PRSS56: variants seen among roughly 807,000 people sequenced by gnomAD.
PRSS56 encodes serine protease 56.
Under a neutral mutation model 66.8 loss-of-function variants are expected in PRSS56, and 55 were observed. That is an observed-to-expected ratio of 0.82 (90% CI 0.66 to 1.03). PRSS56 has a LOEUF of 1.03. Ranked by LOEUF, PRSS56 falls within the 50% of genes least tolerant of loss-of-function variation. PRSS56 has a pLI of 0.00. For synonymous variants in PRSS56, 409 were observed against 387.9 expected, an observed-to-expected ratio of 1.05 and a Z score of -0.64; for missense variants, 869 against 837.2, an observed-to-expected ratio of 1.04 and a Z score of -0.47.
Position 232,523,871 on chromosome 2 carries a change from G to T in PRSS56, c.1112G>T (p.Arg371Leu), listed in dbSNP as rs1574623865. ...DAARLCAFYA[R>L]LCPGSQGACA... Reference sequence around the variant, plus strand: ...GCCCGGCTCTGCGCCTTCTATGCCCGCCTGTGCCCGGGGTCCCAGGGCGCC... The same window carrying T: ...GCCCGGCTCTGCGCCTTCTATGCCCTCCTGTGCCCGGGGTCCCAGGGCGCC... Residue 371 changes from arginine to leucine, a missense_variant, in exon 9 of 13, where the codon CGC becomes CTC. By Grantham distance (102) the Arg-to-Leu change is moderately radical. Around this residue, in one of 3 missense-constraint regions of PRSS56, gnomAD observed 551 missense variants for 506.9 expected, o/e 1.09. Transcript: ENST00000617714. The T allele has an allele frequency of 6.5e-7, 1 of 1,530,082 alleles. No homozygotes were observed. Among genetic ancestry groups the T allele is most frequent in the Non-Finnish European group, 8.7e-7 (1 of 1,144,006 alleles). 94.8% of individuals were successfully genotyped at this position (1,530,082 alleles called of 1,614,324 possible). A position where few individuals can be genotyped will look rare whatever the true frequency, so the allele number is the denominator to read the frequency against.
rs1163995423 is a variant in PRSS56 at position 232,525,429 on chromosome 2, G to A, written c.1735G>A (p.Val579Ile). ...EGEPEGPWMD[V>I]GQGPGLERKG... ...GGAGCCCGAGGGACCCTGGATGGAT[G>A]TAGGGCAGGGGCCCGGGCTGGAGAG... Residue 579 changes from valine to isoleucine, a missense_variant, in exon 13 of 13, where the codon GTA becomes ATA. Val to Ile is a conservative substitution (Grantham distance 29). Transcript: ENST00000617714. 27 of 1,533,032 alleles carry A rather than the reference G, an allele frequency of 1.8e-5. No individual in the cohort carries two copies. Among genetic ancestry groups the A allele is most frequent in the Non-Finnish European group, 2.4e-5 (27 of 1,145,516 alleles). 95.0% of individuals were successfully genotyped at this position (1,533,032 alleles called of 1,614,324 possible).
Position 232,521,853 on chromosome 2 carries a change from C to A in PRSS56, c.243C>A (p.Asp81Glu). The part of the protein sequence containing the change: ...GRPRPQALLQ[D>E]PPEPGPCGER... The stretch of plus-strand genomic sequence containing the variant: ...CCAGGCCTCAAGCTCTCCTCCAGGA[C>A]CCACCTGAGCCAGGTGAGGTTGAAA... Residue 81 changes from aspartate (D) to glutamate (E), a missense_variant, in exon 3 of 13, where the codon GAC becomes GAA. Transcript: ENST00000617714. The A allele has an allele frequency of 6.5e-7, 1 of 1,535,978 alleles. No individual in the cohort carries two copies. The highest frequency in any genetic ancestry group is 1.4e-5 in the African/African-American group (1 of 73,178).
chr2:232,523,635 C>A, intron 8 of PRSS56, 57 bp downstream of exon 8: 3 of 1,503,074 alleles, frequency 2.0e-6, no homozygotes, highest in Non-Finnish European at 2.7e-6. Context: ...AACCGTGGGA[C>A]AAGCCCGTTT....
chr2:232,521,296 G>A (rs1187533222), intron 1 of PRSS56, 25 bp from the exon 2 acceptor site: 3 of 1,519,960 alleles, frequency 2.0e-6, no homozygotes, highest in Non-Finnish European at 1.8e-6. Context: ...AACCACGCAT[G>A]ATTGTGTGCC....
chr2:232,524,442 T>C (rs1319506202), intron 11 of PRSS56, 73 bp downstream of exon 11: 3 of 1,431,484 alleles, frequency 2.1e-6, no homozygotes, highest in Admixed American at 4.2e-5. Context: ...GCGCTTCTAC[T>C]GCAGCTCCGG....
At chr2:232,524,688 T>A (rs1026802313) in intron 11 of PRSS56, 50 bp from the exon 12 acceptor site, 7 of 1,353,130 alleles carry the variant, frequency 5.2e-6, no homozygotes, top group African/African-American at 4.3e-5. Context: ...CCACCCCCAG[T>A]TCCATACCGC....
chr2:232,521,693 G>T (rs1302017916), intron 2 of PRSS56, 123 bp from the exon 3 acceptor site: 3 of 1,001,588 alleles, frequency 3.0e-6, no homozygotes, highest in South Asian at 1.6e-5. Context: ...TGCTGAAATA[G>T]AACCCGTGTG....
Position 232,522,121 on chromosome 2 carries a change from C to T in PRSS56, c.407C>T (p.Ala136Val). ...GQPLCGGVLV[A>V]ASWVLTAAHC... ...CCTCTGTGCGGCGGCGTCCTGGTAG[C>T]GGCCTCCTGGGTGCTCACGGCAGCG... The change falls in exon 4 of 13, where the codon GCG becomes GTG. Residue 136 changes from alanine (A) to valine (V), a missense_variant. Ala to Val is a moderately conservative substitution (Grantham distance 64, BLOSUM62 0). Around this residue, in one of 3 missense-constraint regions of PRSS56, gnomAD observed 315 missense variants for 313.7 expected, o/e 1.00. Coordinates refer to ENST00000617714, the MANE Select transcript of PRSS56 (RefSeq NM_001195129.2). 2 of 1,517,716 alleles carry T rather than the reference C, an allele frequency of 1.3e-6. No homozygotes were observed. Among genetic ancestry groups the T allele is most frequent in the Non-Finnish European group, 8.8e-7 (1 of 1,139,628 alleles). The allele number at this position is 1,517,716 out of a possible 1,614,324, so 94.0% of individuals were successfully genotyped here.
At chr2:232,523,974 G>A (rs550551164) in intron 9 of PRSS56, 29 bp downstream of exon 9, 324 of 1,519,840 alleles carry the variant, frequency 2.1e-4, no homozygotes, top group Non-Finnish European at 2.8e-4. Flanking sequence ...GACCCGGACG[G>A]GGGGCAGAGG....
chr2:232,521,096 T>G (rs957812534), intron 1 of PRSS56, among the ~76,000 whole-genome samples: 1 of 152,220 alleles, frequency 6.6e-6, no homozygotes, highest in African/African-American at 2.4e-5. Context: ...AAAGCACCTT[T>G]CAAAGATCCC....
rs1340351408 is a variant in PRSS56 at position 232,523,901 on chromosome 2, C to T, written c.1142C>T (p.Ala381Val). Residue 381 changes from alanine (A) to valine (V), a missense_variant, in exon 9 of 13, where the codon GCG (alanine) becomes GTG (valine). By Grantham distance (64) the Ala-to-Val change is moderately conservative. This residue lies in a region of PRSS56 where 551 missense variants were observed against 506.9 expected (regional missense o/e 1.09). Coordinates refer to ENST00000617714, the MANE Select transcript of PRSS56 (RefSeq NM_001195129.2). ...TGCCCGGGGTCCCAGGGCGCCTGTG[C>T]GCGCCTGGCGCACCAGCAGTGCCTG... Reference protein sequence around the residue: ...RLCPGSQGACARLAHQQCLQR... With the variant: ...RLCPGSQGACVRLAHQQCLQR... The T allele has an allele frequency of 6.6e-7, 1 of 1,519,238 alleles. No individual in the cohort carries two copies. Among genetic ancestry groups the T allele is most frequent in the Non-Finnish European group, 8.8e-7 (1 of 1,138,586 alleles). 94.1% of individuals were successfully genotyped at this position (1,519,238 alleles called of 1,614,324 possible).
intron 2 of PRSS56, 120 bp downstream of exon 2, chr2:232,521,548 C>T (rs1313278091): frequency 6.8e-6 from 6 of 882,486 alleles, no homozygotes; most frequent in Non-Finnish European, 8.9e-6. Context: ...TGTGTTGGGC[C>T]GCAACCTAGA....
chr2:232,522,460 G>T, intron 4 of PRSS56, 55 bp from the exon 5 acceptor site: 3 of 1,427,756 alleles, frequency 2.1e-6, no homozygotes, highest in Admixed American at 2.1e-5. Flanking sequence ...TCTCCGAGGG[G>T]CCTGCGGGGT....
At position 232,523,092 on chromosome 2, in the gene PRSS56, C is replaced by G. The variant is rs545607218; in HGVS notation, c.739C>G (p.Arg247Gly). The change falls in exon 7 of 13, where the codon CGT becomes GGT. Residue 247 changes from arginine to glycine, a missense_variant. Physicochemically the swap from Arg to Gly is moderately radical, Grantham distance 125. This residue lies in a region of PRSS56 where 551 missense variants were observed against 506.9 expected (regional missense o/e 1.09). Transcript: ENST00000617714. ...TGAGGCTGAAGCAGTGAGAGAGGCC[C>G]GTGTTCCCCTGCTCAGCACCGACAC... ...GPEAEAVREA[R>G]VPLLSTDTCR... 40 of 1,535,084 alleles carry G rather than the reference C, an allele frequency of 2.6e-5. No individual in the cohort carries two copies. Among genetic ancestry groups the G allele is most frequent in the Admixed American group, 5.9e-5 (3 of 50,878 alleles).
In PRSS56 at chr2:232,525,206, C is replaced by T. The variant is rs13000234; in HGVS notation, c.1522-10C>T. On this transcript the variant is annotated splice_polypyrimidine_tract_variant and intron_variant, in intron 12 of 12. Transcript: ENST00000617714. ...TTCTGGGCCCCTGATCCCCACTCCT[C>T]CATCTGTAGGTCCTGGCAGATCTGG... 6.8e-7 allele frequency: 1 copy of T among 1,463,002 alleles called. No homozygotes were observed. The highest frequency in any genetic ancestry group is 9.0e-7 in the Non-Finnish European group (1 of 1,109,816). The allele number at this position is 1,463,002 out of a possible 1,614,324, so 90.6% of individuals were successfully genotyped here.
chr2:232,522,355 G>T, intron 4 of PRSS56, 160 bp from the exon 5 acceptor site: 1 of 797,198 alleles, frequency 1.3e-6, no homozygotes, highest in Non-Finnish European at 1.8e-6. Context: ...TGGCACGGCC[G>T]GGCGAGTTCG....
chr2:232,524,888 G>C (rs989704550), intron 12 of PRSS56, 44 bp downstream of exon 12: 1 of 1,434,962 alleles, frequency 7.0e-7, no homozygotes, highest in African/African-American at 1.4e-5. Context: ...GGCCTGGGAA[G>C]GCTGAGACCC....
At position 232,525,248 on chromosome 2, in the gene PRSS56, C is replaced by T. The variant is rs1260197741; in HGVS notation, c.1554C>T (p.Thr518=). Residue 518 remains threonine, a synonymous_variant, in exon 13 of 13, where the codon ACC becomes ACT. Coordinates refer to ENST00000617714, the MANE Select transcript of PRSS56 (RefSeq NM_001195129.2). The part of the protein sequence containing the change: ...VLADLGSKTL[T]GLFRAWVRAG... The stretch of plus-strand genomic sequence containing the variant: ...CAGATCTGGGCTCCAAGACACTGAC[C>T]GGGCTTTTCAGAGCCTGGGTGCGGG... 1.5e-5 allele frequency: 23 copies of T among 1,512,760 alleles called. No individual in the cohort carries two copies. The highest frequency in any genetic ancestry group is 7.4e-5 in the South Asian group (6 of 81,236). 93.7% of individuals were successfully genotyped at this position (1,512,760 alleles called of 1,614,324 possible). A position where few individuals can be genotyped will look rare whatever the true frequency, so the allele number is the denominator to read the frequency against.
rs1024856930 is a variant in PRSS56 at position 232,521,744 on chromosome 2, A to G, written c.206-72A>G. Reference sequence around the variant, plus strand: ...CGCGAAAGGAGAGATGGGGAGAGAGAGGCTCGGCCCAGCCTGGGGTGAGGA... The same window carrying G: ...CGCGAAAGGAGAGATGGGGAGAGAGGGGCTCGGCCCAGCCTGGGGTGAGGA... On this transcript the variant is annotated intron_variant, in intron 2 of 12. Transcript: ENST00000617714. 2.4e-5 allele frequency: 34 copies of G among 1,432,182 alleles called. No individual in the cohort carries two copies. The African/African-American group carries it at 4.1e-4, about 17-fold the overall frequency. The allele number at this position is 1,432,182 out of a possible 1,614,324, so 88.7% of individuals were successfully genotyped here. A position where few individuals can be genotyped will look rare whatever the true frequency, so the allele number is the denominator to read the frequency against.
Sources: gnomAD v4.1 joint callset for allele counts (sites outside exome capture counted in the v4.1 genomes callset) on GRCh38, gnomAD v4.1.1 for gene constraint, gnomAD v4.1.1 regional missense constraint, MANE v1.5 for transcripts, NCBI Gene and HGNC (gene_info 2026-07-23, HGNC 2026-07-21) for gene names.